The following NBEA variants were observed in gnomAD, a reference collection of about 807,000 sequenced individuals.
NBEA encodes the protein lysosomal-trafficking regulator 2.
In NBEA, 44 loss-of-function variants were observed where a neutral mutation model predicts 343.4. The observed-to-expected ratio is 0.13, with a 90% CI of 0.10 to 0.16. The LOEUF is 0.16. Ranked by LOEUF, NBEA falls within the 10% of genes least tolerant of loss-of-function variation. NBEA has a pLI of 1.00. For synonymous variants in NBEA, 1,175 were observed against 1,238.7 expected (o/e 0.95, Z 1.08); for missense variants, 2,555 against 3,631.3 (o/e 0.70, Z 7.62).
chr13:35,116,220 G>A (rs1160970579), intron 13 of NBEA, among the ~76,000 whole-genome samples: 1 of 152,062 alleles, frequency 6.6e-6, no homozygotes, highest in Non-Finnish European at 1.5e-5. Flanking sequence ...CTCAAAATCA[G>A]GACCTCATCC....
intron 1 of NBEA, among the ~76,000 whole-genome samples, chr13:35,033,367 T>G (rs1043002467): frequency 7.9e-5 from 12 of 151,986 alleles, no homozygotes; most frequent in African/African-American, 2.7e-4. Flanking sequence ...GGTCTCTGTG[T>G]CTGTTTTTAT....
chr13:35,023,067 A>G (rs2061902797), intron 1 of NBEA, among the ~76,000 whole-genome samples: 1 of 152,160 alleles, frequency 6.6e-6, no homozygotes, highest in Admixed American at 6.6e-5. Context: ...AGGAAAGCAA[A>G]AACTAGTCAG....
intron 41 of NBEA, among the ~76,000 whole-genome samples, chr13:35,492,120 C>G (rs1267656361): frequency 6.6e-6 from 1 of 151,886 alleles, no homozygotes; most frequent in Non-Finnish European, 1.5e-5. Flanking sequence ...TGTATGTTCT[C>G]ACTCATAAGT....
chr13:35,308,602 ATATATG>A (rs1187223915), intron 35 of NBEA, among the ~76,000 whole-genome samples: 9 of 136,094 alleles, frequency 6.6e-5, no homozygotes, highest in South Asian at 2.2e-4. Context: ...GTATATATGT[ATATATG>A]TATATATATA....
rs146124787 is a variant in NBEA at position 34,966,102 on chromosome 13, T to C, written c.294+22988T>C. Reference sequence around the variant, plus strand: ...ATATGGTATTCTGAATTAATAACTTTATGACATAGGCATTTGTATTCCCAT... The same window carrying C: ...ATATGGTATTCTGAATTAATAACTTCATGACATAGGCATTTGTATTCCCAT... On this transcript the variant is annotated intron_variant, in intron 1 of 58. Transcript: ENST00000379939. Among the ~76,000 whole-genome samples the C allele has an allele frequency of 2.2e-3, 328 of 152,220 alleles. 1 individual carries two copies. Among genetic ancestry groups the C allele is most frequent in the African/African-American group, 7.2e-3 (300 of 41,570 alleles).
intron 1 of NBEA, among the ~76,000 whole-genome samples, chr13:34,957,471 A>T (rs948850892): frequency 2.0e-5 from 3 of 152,152 alleles, no homozygotes; most frequent in African/African-American, 7.2e-5. Context: ...AAGCCTGATG[A>T]TTTCACTTCC....
At chr13:35,577,947 A>G (rs7333217) in intron 45 of NBEA, among the ~76,000 whole-genome samples, 168 of 152,336 alleles carry the variant, frequency 1.1e-3, no homozygotes, top group African/African-American at 3.4e-3. Context: ...TATGATTTCT[A>G]TGTTGTCATA....
At chr13:35,079,872 A>C (rs529918082) in intron 10 of NBEA, among the ~76,000 whole-genome samples, 1 of 151,958 alleles carries the variant, frequency 6.6e-6, no homozygotes, top group Non-Finnish European at 1.5e-5. Flanking sequence ...GCAACTATTC[A>C]TTTTCACGTA....
At chr13:35,470,224 A>G (rs1440287285) in intron 40 of NBEA, among the ~76,000 whole-genome samples, 6 of 152,246 alleles carry the variant, frequency 3.9e-5, no homozygotes, top group Admixed American at 3.9e-4. Context: ...CAACAGAAGG[A>G]TATTGGAGTA....
At chr13:34,958,816 G>A (rs2059575346) in intron 1 of NBEA, among the ~76,000 whole-genome samples, 2 of 152,136 alleles carry the variant, frequency 1.3e-5, no homozygotes, top group South Asian at 4.1e-4. Flanking sequence ...TCAAAGTAGA[G>A]TTAAATGGCT....
chr13:35,400,398 T>G (rs2042950135), intron 38 of NBEA, among the ~76,000 whole-genome samples: 1 of 151,934 alleles, frequency 6.6e-6, no homozygotes, highest in African/African-American at 2.4e-5. Context: ...AGGGATATAA[T>G]GTAGTGCCTG....
At chr13:35,330,037 ACT>A (rs1387771993) in intron 36 of NBEA, among the ~76,000 whole-genome samples, 2 of 151,928 alleles carry the variant, frequency 1.3e-5, no homozygotes, top group Non-Finnish European at 2.9e-5. Context: ...TGAATGCCTA[ACT>A]CTGTACCCCT....
chr13:34,960,150 C>G (rs1193014757), intron 1 of NBEA, among the ~76,000 whole-genome samples: 1 of 151,944 alleles, frequency 6.6e-6, no homozygotes, highest in Non-Finnish European at 1.5e-5. Flanking sequence ...AGACAGTGTT[C>G]TTGAAGATCC....
At chr13:35,319,386 T>C (rs999533987) in intron 36 of NBEA, among the ~76,000 whole-genome samples, 1 of 152,186 alleles carries the variant, frequency 6.6e-6, no homozygotes, top group Non-Finnish European at 1.5e-5. Flanking sequence ...GGTTTTTCAG[T>C]TTCCATGTAG....
rs374441030 is a variant in NBEA at position 35,554,990 on chromosome 13, G to A, written c.6810G>A (p.Arg2270=). The A allele has an allele frequency of 8.9e-6, 14 of 1,577,380 alleles. No individual in the cohort carries two copies. The highest frequency in any genetic ancestry group is 2.2e-5 in the South Asian group (2 of 89,188). Residue 2270 remains arginine, a synonymous_variant, in exon 44 of 59, where the codon AGG becomes AGA. Transcript: ENST00000379939. ...GTSYGLPQAR[R]ISLATPRQLY... Reference sequence around the variant, plus strand: ...TTATGCTGTGCTTAATTGCTAGGAGGATATCATTGGCCACTCCTCGACAGC... The same window carrying A: ...TTATGCTGTGCTTAATTGCTAGGAGAATATCATTGGCCACTCCTCGACAGC...
chr13:35,293,507 A>G (rs1175759218), intron 35 of NBEA, among the ~76,000 whole-genome samples: 2 of 152,008 alleles, frequency 1.3e-5, no homozygotes, highest in African/African-American at 2.4e-5. Context: ...AAAAAAATTA[A>G]TATCAAATCA....
chr13:35,299,606 A>G (rs1352507571), intron 35 of NBEA, among the ~76,000 whole-genome samples: 1 of 152,200 alleles, frequency 6.6e-6, no homozygotes, highest in African/African-American at 2.4e-5. Context: ...AATTGTGACA[A>G]AACTATCTAA....
intron 31 of NBEA, among the ~76,000 whole-genome samples, chr13:35,203,953 T>C: frequency 6.6e-6 from 1 of 152,166 alleles, no homozygotes; most frequent in Non-Finnish European, 1.5e-5. Context: ...TGAGATTTTT[T>C]AAAAAATTCC....
intron 39 of NBEA, 55 bp downstream of exon 39, chr13:35,432,448 G>C (rs2045182142): frequency 2.1e-6 from 3 of 1,448,490 alleles, no homozygotes; most frequent in Admixed American, 4.6e-5. Context: ...GTGACTCCTT[G>C]TGTTTGAGAA....
Sources: allele counts gnomAD v4.1 joint callset (sites outside exome capture counted in the v4.1 genomes callset), GRCh38; gene constraint gnomAD v4.1.1; transcripts MANE v1.5; gene names NCBI Gene and HGNC (gene_info 2026-07-23, HGNC 2026-07-21).